RPGRIP1: variants seen among roughly 807,000 people sequenced by gnomAD.
The protein encoded by RPGRIP1 is RPGR interacting protein 1.
In RPGRIP1, 128 loss-of-function variants were observed where a neutral mutation model predicts 157.9. The observed-to-expected ratio is 0.81, with a 90% CI of 0.70 to 0.94. The LOEUF is 0.94. Among genes scored for constraint, RPGRIP1 ranks in the 40% least tolerant of loss-of-function variants. The pLI, the probability that RPGRIP1 is intolerant of heterozygous loss-of-function variation, is 0.00. For missense variants in RPGRIP1, 1,486 were observed against 1,545.8 expected (o/e 0.96, Z 0.65); for synonymous variants, 554 against 571.6 (o/e 0.97, Z 0.44).
intron 10 of RPGRIP1, chr14:21,317,420 T>G: frequency 1.6e-6 from 1 of 638,532 alleles, no homozygotes; most frequent in Non-Finnish European, 2.6e-6. Context: ...AAAGCCATCA[T>G]GGTGGAGAAG....
intron 4 of RPGRIP1, 118 bp downstream of exon 4, chr14:21,301,355 A>C: frequency 1.8e-6 from 2 of 1,088,940 alleles, no homozygotes; most frequent in East Asian, 2.7e-5. Context: ...TTTTGTTCTC[A>C]CTCCCTCCTT....
intron 6 of RPGRIP1, among the ~76,000 whole-genome samples, chr14:21,307,070 G>A (rs1269894640): frequency 4.0e-5 from 6 of 151,746 alleles, no homozygotes; most frequent in South Asian, 2.1e-4. Context: ...CACCGCACTC[G>A]GCCACTATTG....
chr14:21,305,552 T>C (rs1252626571), intron 6 of RPGRIP1, among the ~76,000 whole-genome samples: 1 of 152,072 alleles, frequency 6.6e-6, no homozygotes, highest in Non-Finnish European at 1.5e-5. Context: ...GTTTTCAACC[T>C]GGAGATATTT....
chr14:21,350,142 G>A (rs968780912), intron 24 of RPGRIP1, among the ~76,000 whole-genome samples: 1 of 152,120 alleles, frequency 6.6e-6, no homozygotes, highest in African/African-American at 2.4e-5. Context: ...TTGGGATGCC[G>A]AGATGGGCGG....
Position 21,325,402 on chromosome 14 carries a change from C to A in RPGRIP1, c.2367+19C>A. The A allele has an allele frequency of 1.9e-6, 3 of 1,554,742 alleles. No homozygotes were observed. In the South Asian group the frequency reaches 3.6e-5, roughly 18 times the overall value. Reference sequence around the variant, plus strand: ...AGAGGAGGTGAGAAAAAAGATGTGCCGAGGCATCTCAGAGGAGCCTCAGCC... The same window carrying A: ...AGAGGAGGTGAGAAAAAAGATGTGCAGAGGCATCTCAGAGGAGCCTCAGCC... On this transcript the variant is annotated intron_variant, in intron 16 of 24. Transcript: ENST00000400017.
At chr14:21,324,301 T>C (rs1882812650) in intron 14 of RPGRIP1, 2 of 402,564 alleles carry the variant, frequency 5.0e-6, no homozygotes, top group Non-Finnish European at 9.3e-6. Flanking sequence ...CAGTTAATCA[T>C]AGGGCCACGA....
intron 13 of RPGRIP1, chr14:21,321,625 C>A: frequency 1.9e-6 from 2 of 1,076,884 alleles, no homozygotes; most frequent in Non-Finnish European, 2.6e-6. Flanking sequence ...ATGCCAATGG[C>A]AAGCGTAAGG....
In RPGRIP1 at chr14:21,321,884, G is replaced by A. The variant is rs1223339694; in HGVS notation, c.1642G>A (p.Asp548Asn). ...ACTGGAGGCAATGATGACAAAAGCT[G>A]ACAATGATAATAGAGATCACAAAGA... Reference protein sequence around the residue: ...EELEAMMTKADNDNRDHKEKL... With the variant: ...EELEAMMTKANNDNRDHKEKL... Residue 548 changes from aspartate to asparagine, a missense_variant, in exon 14 of 25, where the codon GAC (aspartate) becomes AAC (asparagine). Physicochemically the swap from Asp to Asn is conservative, Grantham distance 23. Transcript: ENST00000400017. The A allele has an allele frequency of 2.2e-5, 35 of 1,613,146 alleles. No homozygotes were observed. The highest frequency in any genetic ancestry group is 2.9e-5 in the Non-Finnish European group (34 of 1,179,596).
intron 2 of RPGRIP1, among the ~76,000 whole-genome samples, chr14:21,292,539 A>G (rs1006972847): frequency 6.6e-6 from 1 of 151,628 alleles, no homozygotes; most frequent in Non-Finnish European, 1.5e-5. Flanking sequence ...AGACCTTGTC[A>G]CTATAAAAAA....
chr14:21,285,143 T>G lies in RPGRIP1; in HGVS notation c.-38-2796T>G, dbSNP rs764383597. 1.1e-4 allele frequency among the ~76,000 whole-genome samples: 16 copies of G among 152,006 alleles called. 1 individual carries two copies. Among genetic ancestry groups the G allele is most frequent in the Non-Finnish European group, 1.9e-4 (13 of 68,038 alleles). ...AGTATAAATAAATGAAGGTAGTTTC[T>G]GTGTATAGTAAATGTCACAAGGGAA... is the stretch of plus-strand genomic sequence containing the variant. On this transcript the variant is annotated intron_variant, in intron 1 of 24. Transcript: ENST00000400017.
intron 6 of RPGRIP1, among the ~76,000 whole-genome samples, chr14:21,304,369 A>C (rs1881184520): frequency 7.6e-6 from 1 of 131,638 alleles, no homozygotes; most frequent in Admixed American, 7.9e-5. Context: ...GAAGGAAGGA[A>C]GGGAGGGAGG....
Position 21,294,821 on chromosome 14 carries a change from T to G in RPGRIP1, c.218+12T>G. 1.5e-6 allele frequency: 2 copies of G among 1,323,714 alleles called. No homozygotes were observed. Among genetic ancestry groups the G allele is most frequent in the South Asian group, 1.5e-5 (1 of 66,418 alleles). 82.0% of individuals were successfully genotyped at this position (1,323,714 alleles called of 1,614,324 possible). On this transcript the variant is annotated intron_variant, in intron 3 of 24. Transcript: ENST00000400017. ...GATGAGATCAAAAGGTACTTAGAGT[T>G]CTCCTTAAATTTTTTTTTTTTTTTT...
chr14:21,290,798 G>A (rs1325584141), intron 2 of RPGRIP1, among the ~76,000 whole-genome samples: 10 of 147,174 alleles, frequency 6.8e-5, no homozygotes, highest in East Asian at 4.0e-4. Flanking sequence ...AAGCCTGGGC[G>A]ACAGAGTGAG....
rs149565902 is a variant in RPGRIP1, at chr14:21,325,397, T to A, written c.2367+14T>A. 7 of 1,557,900 alleles carry A rather than the reference T, an allele frequency of 4.5e-6. No individual in the cohort carries two copies. The highest frequency in any genetic ancestry group is 6.1e-6 in the Non-Finnish European group (7 of 1,150,924). ...CAGGAAGAGGAGGTGAGAAAAAAGA[T>A]GTGCCGAGGCATCTCAGAGGAGCCT... On this transcript the variant is annotated intron_variant, in intron 16 of 24. Coordinates refer to ENST00000400017, the MANE Select transcript of RPGRIP1 (RefSeq NM_020366.4).
At chr14:21,284,482 A>C (rs1446050620) in intron 1 of RPGRIP1, among the ~76,000 whole-genome samples, 1 of 152,056 alleles carries the variant, frequency 6.6e-6, no homozygotes, top group African/African-American at 2.4e-5. Flanking sequence ...AAACATTTGA[A>C]AGGGGAAATG....
In RPGRIP1 at chr14:21,325,067, A is replaced by G. The variant is rs774600464; in HGVS notation, c.2212A>G (p.Ile738Val). The part of the protein sequence containing the change: ...VEKVHGLATL[I>V]GAGGEEFGVL... Reference sequence around the variant, plus strand: ...GAAAGTCCATGGCTTGGCCACACTGATTGGTAAGTGCCGTTGGCTTCCTGC... The same window carrying G: ...GAAAGTCCATGGCTTGGCCACACTGGTTGGTAAGTGCCGTTGGCTTCCTGC... The change falls in exon 15 of 25, where the codon ATT becomes GTT. Residue 738 changes from isoleucine (I) to valine (V), a missense_variant. Transcript: ENST00000400017. 9.3e-6 allele frequency: 15 copies of G among 1,606,808 alleles called. No individual in the cohort carries two copies. The highest frequency in any genetic ancestry group is 1.7e-5 in the Admixed American group (1 of 59,738).
In RPGRIP1 at chr14:21,320,025, G is replaced by A; in HGVS notation, c.1315G>A (p.Glu439Lys). Residue 439 changes from glutamate to lysine, a missense_variant, in exon 12 of 25, where the codon GAG becomes AAG. Transcript: ENST00000400017. The part of the protein sequence containing the change: ...LELSREKAQN[E>K]DLKLEVTNIL... Reference sequence around the variant, plus strand: ...GGATTATTTTTCCCCAGCCCAAAATGAGGATCTGAAGCTTGAAGTCACCAA... The same window carrying A: ...GGATTATTTTTCCCCAGCCCAAAATAAGGATCTGAAGCTTGAAGTCACCAA... The A allele has an allele frequency of 6.2e-7, 1 of 1,611,224 alleles. No homozygotes were observed. The highest frequency in any genetic ancestry group is 8.5e-7 in the Non-Finnish European group (1 of 1,178,700).
At chr14:21,335,046 C>CAAAAAAAAA (rs869065591) in intron 21 of RPGRIP1, among the ~76,000 whole-genome samples, 4 of 28,056 alleles carry the variant, frequency 1.4e-4, no homozygotes, top group Admixed American at 3.8e-4. Flanking sequence ...AACTCTGTCT[C>CAAAAAAAAA]AAAAAAAAAA....
In RPGRIP1 at chr14:21,303,378, T is replaced by C; in HGVS notation, c.635T>C (p.Met212Thr). The C allele has an allele frequency of 6.2e-7, 1 of 1,613,874 alleles. No homozygotes were observed. The highest frequency in any genetic ancestry group is 8.5e-7 in the Non-Finnish European group (1 of 1,179,834). ...SIISFSSVIS[M>T]AKPIGLCMPN... is the part of the protein sequence containing the mutation. The stretch of plus-strand genomic sequence containing the variant: ...ATTTCTTTCAGCAGTGTCATAAGTA[T>C]GGCTAAACCCATTGGTCTATGCATG... Residue 212 changes from methionine to threonine, a missense_variant, in exon 6 of 25, where the codon ATG becomes ACG. Physicochemically the swap from Met to Thr is moderately conservative, Grantham distance 81. Transcript: ENST00000400017.
Sources: gnomAD v4.1 joint callset for allele counts (sites outside exome capture counted in the v4.1 genomes callset) on GRCh38, gnomAD v4.1.1 for gene constraint, MANE v1.5 for transcripts, NCBI Gene and HGNC (gene_info 2026-07-23, HGNC 2026-07-21) for gene names.